GLIS1: variants seen among roughly 807,000 people sequenced by gnomAD.
GLIS1 encodes zinc finger protein GLIS1.
In GLIS1, 24 loss-of-function variants were observed where a neutral mutation model predicts 63.8. The observed-to-expected ratio is 0.38, with a 90% CI of 0.27 to 0.53. GLIS1 has a LOEUF of 0.53. Ranked by LOEUF, GLIS1 falls within the 20% of genes least tolerant of loss-of-function variation. GLIS1 has a pLI of 0.85. For synonymous variants in GLIS1, 450 were observed against 482.5 expected (o/e 0.93, Z 0.88); for missense variants, 1,036 against 1,074.1 (o/e 0.96, Z 0.50).
chr1:53,679,948 G>T (rs1646257123), intron 2 of GLIS1, among the ~76,000 whole-genome samples: 1 of 152,172 alleles, frequency 6.6e-6, no homozygotes, highest in East Asian at 1.9e-4. Context: ...CCATGTTCCT[G>T]TGGCACCCAG....
chr1:53,582,002 G>A (rs1645089983), intron 4 of GLIS1, among the ~76,000 whole-genome samples: 1 of 152,160 alleles, frequency 6.6e-6, no homozygotes, highest in African/African-American at 2.4e-5. Flanking sequence ...CAGAGGGGTG[G>A]GATGACTTGC....
At chr1:53,685,922 G>C (rs939355959) in intron 2 of GLIS1, among the ~76,000 whole-genome samples, 4 of 152,154 alleles carry the variant, frequency 2.6e-5, no homozygotes, top group African/African-American at 9.7e-5. Context: ...GCCAGCCTGT[G>C]GCCAGCCCCA....
At chr1:53,624,329 G>A (rs969789492) in intron 2 of GLIS1, among the ~76,000 whole-genome samples, 4 of 152,146 alleles carry the variant, frequency 2.6e-5, no homozygotes, top group African/African-American at 9.7e-5. Flanking sequence ...AGAAAAACTG[G>A]ATAACTGTAT....
intron 4 of GLIS1, among the ~76,000 whole-genome samples, chr1:53,544,392 A>G (rs525145): frequency 0.84 from 127,032 of 152,132 alleles, 53,586 homozygotes; most frequent in Middle Eastern, 0.9. Flanking sequence ...GCCTTCGGGC[A>G]GCTCACTTGC....
At chr1:53,528,345 C>A (rs560073847) in intron 5 of GLIS1, among the ~76,000 whole-genome samples, 1 of 152,316 alleles carries the variant, frequency 6.6e-6, no homozygotes, top group East Asian at 1.9e-4. Flanking sequence ...TCAGCTCTTC[C>A]AGCAGAGAGC....
At chr1:53,591,376 G>GTGACACCCAGTGGGGCCGGCCC in intron 4 of GLIS1, among the ~76,000 whole-genome samples, 1 of 152,176 alleles carries the variant, frequency 6.6e-6, no homozygotes, top group Admixed American at 6.5e-5. Flanking sequence ...TCTCCAGATG[G>GTGACACCCAGTGGGGCCGGCCC]TGACACCCAG....
chr1:53,713,786 CA>C (rs1172964365), intron 2 of GLIS1, among the ~76,000 whole-genome samples: 3 of 152,152 alleles, frequency 2.0e-5, no homozygotes, highest in African/African-American at 7.2e-5. Flanking sequence ...GACAGAGGCA[CA>C]CCAGAGAGCA....
chr1:53,574,427 A>G lies in GLIS1; in HGVS notation c.1320+19681T>C, dbSNP rs1050128983. Among the ~76,000 whole-genome samples the G allele has an allele frequency of 2.0e-5, 3 of 152,170 alleles. No individual in the cohort carries two copies. The highest frequency in any genetic ancestry group is 4.8e-5 in the African/African-American group (2 of 41,424). ...GAAGACAGGCATCATTACTGCCACA[A>G]GCAGCAGGGCCTCCCACGCAGTCTC... On this transcript the variant is annotated intron_variant, in intron 4 of 10. Coordinates refer to ENST00000628545, the MANE Select transcript of GLIS1 (RefSeq NM_001367484.1). The surrounding 1 kb of genome is among the most constrained non-coding windows in gnomAD (Gnocchi z 4.2).
chr1:53,525,717 TC>T (rs1157073457), intron 5 of GLIS1, among the ~76,000 whole-genome samples: 1 of 151,750 alleles, frequency 6.6e-6, no homozygotes, highest in East Asian at 2.0e-4. Context: ...CCTTGGTGGC[TC>T]CCTGGTGCCC....
intron 4 of GLIS1, among the ~76,000 whole-genome samples, chr1:53,570,559 T>G (rs1644975186): frequency 6.6e-6 from 1 of 152,134 alleles, no homozygotes; most frequent in Admixed American, 6.5e-5. Flanking sequence ...CAAAAACTTT[T>G]TATGAAACTA....
At chr1:53,559,701 C>A (rs956413823) in intron 4 of GLIS1, among the ~76,000 whole-genome samples, 2 of 152,162 alleles carry the variant, frequency 1.3e-5, no homozygotes, top group Non-Finnish European at 2.9e-5. Context: ...CGCCCTGCAC[C>A]CCCTGGCCTC....
chr1:53,522,876 T>C (rs1644423954), intron 6 of GLIS1, among the ~76,000 whole-genome samples: 2 of 152,148 alleles, frequency 1.3e-5, no homozygotes, highest in African/African-American at 2.4e-5. Flanking sequence ...ATCGTGCCAC[T>C]GTATTCCAGC....
At chr1:53,597,815 C>T (rs552671983) in intron 3 of GLIS1, among the ~76,000 whole-genome samples, 7 of 152,002 alleles carry the variant, frequency 4.6e-5, no homozygotes, top group East Asian at 1.9e-4. Context: ...AGACTGATGC[C>T]GGCGTAGAAT....
At chr1:53,718,865 T>C (rs1646725184) in intron 2 of GLIS1, among the ~76,000 whole-genome samples, 1 of 152,222 alleles carries the variant, frequency 6.6e-6, no homozygotes, top group Non-Finnish European at 1.5e-5. Flanking sequence ...GACTTTTCTG[T>C]ATAATCAAAC....
At chr1:53,665,600 G>A (rs1646082609) in intron 2 of GLIS1, among the ~76,000 whole-genome samples, 1 of 152,158 alleles carries the variant, frequency 6.6e-6, no homozygotes, top group Non-Finnish European at 1.5e-5. Flanking sequence ...AGTGAGCTAT[G>A]ATCATGCCAC....
At chr1:53,618,477 T>C (rs1569929318) in intron 2 of GLIS1, among the ~76,000 whole-genome samples, 1 of 152,224 alleles carries the variant, frequency 6.6e-6, no homozygotes, top group Non-Finnish European at 1.5e-5. Context: ...AGACAGGAGG[T>C]GGAAACTAAT....
intron 2 of GLIS1, among the ~76,000 whole-genome samples, chr1:53,611,719 A>G (rs998090247): frequency 7.9e-4 from 120 of 152,350 alleles, no homozygotes; most frequent in African/African-American, 2.6e-3. Context: ...AGGGTCCTCA[A>G]CTGAAAGTTT....
intron 4 of GLIS1, among the ~76,000 whole-genome samples, chr1:53,582,653 C>T (rs777116075): frequency 6.6e-5 from 10 of 152,186 alleles, no homozygotes; most frequent in Non-Finnish European, 1.0e-4. Flanking sequence ...AAGTGCTCAC[C>T]GCAGGTGGTA....
intron 2 of GLIS1, among the ~76,000 whole-genome samples, chr1:53,615,652 T>G (rs531104660): frequency 1.3e-5 from 2 of 152,228 alleles, no homozygotes; most frequent in African/African-American, 4.8e-5. Context: ...AAATTCAAAA[T>G]TTGGGATTTA....
Sources: gnomAD v4.1 joint callset for allele counts (sites outside exome capture counted in the v4.1 genomes callset) on GRCh38, gnomAD v4.1.1 for gene constraint, Gnocchi (gnomAD v3.1) non-coding constraint, MANE v1.5 for transcripts, NCBI Gene and HGNC (gene_info 2026-07-23, HGNC 2026-07-21) for gene names.